SLC39A11: variants seen among roughly 807,000 people sequenced by gnomAD.
SLC39A11 encodes zinc transporter ZIP11.
Under a neutral mutation model 36.1 loss-of-function variants are expected in SLC39A11, and 33 were observed. That is an observed-to-expected ratio of 0.91 (90% CI 0.69 to 1.22). The LOEUF is 1.22. Among genes scored for constraint, SLC39A11 ranks in the 50% most tolerant of loss-of-function variants. The pLI is 0.00. For missense variants in SLC39A11, 432 were observed against 430.3 expected (o/e 1.00, Z -0.03); for synonymous variants, 166 against 170.3 (o/e 0.97, Z 0.20).
intron 7 of SLC39A11, among the ~76,000 whole-genome samples, chr17:72,699,521 G>A (rs2072502205): frequency 6.6e-6 from 1 of 152,202 alleles, no homozygotes; most frequent in African/African-American, 2.4e-5. Flanking sequence ...GCTTCAGGAA[G>A]CCCCTGCAAT....
chr17:72,666,569 C>T (rs1341402824), intron 7 of SLC39A11, among the ~76,000 whole-genome samples: 1 of 152,208 alleles, frequency 6.6e-6, no homozygotes, highest in East Asian at 1.9e-4. Flanking sequence ...CAGAAGGGGG[C>T]TTTCTCCCCC....
At chr17:72,975,056 T>G (rs1465336412) in intron 4 of SLC39A11, among the ~76,000 whole-genome samples, 1 of 152,214 alleles carries the variant, frequency 6.6e-6, no homozygotes, top group Non-Finnish European at 1.5e-5. Context: ...GAGACATTTC[T>G]CAGCATGTAT....
At chr17:72,989,438 T>C (rs945444334) in intron 4 of SLC39A11, among the ~76,000 whole-genome samples, 4 of 152,254 alleles carry the variant, frequency 2.6e-5, no homozygotes, top group African/African-American at 9.6e-5. Flanking sequence ...AGCGAGGGTA[T>C]AAATATTCCA....
chr17:72,782,843 C>T (rs2076369626), intron 6 of SLC39A11, among the ~76,000 whole-genome samples: 1 of 150,786 alleles, frequency 6.6e-6, no homozygotes, highest in African/African-American at 2.4e-5. Flanking sequence ...CTCTACTAAA[C>T]ATACAAAAAT....
chr17:72,885,804 A>G (rs1411826600), intron 5 of SLC39A11, among the ~76,000 whole-genome samples: 1 of 152,142 alleles, frequency 6.6e-6, no homozygotes, highest in African/African-American at 2.4e-5. Flanking sequence ...ATACCTACAC[A>G]TATGCCTACT....
intron 7 of SLC39A11, among the ~76,000 whole-genome samples, chr17:72,661,564 T>C (rs2070421512): frequency 6.6e-6 from 1 of 152,200 alleles, no homozygotes; most frequent in Non-Finnish European, 1.5e-5. Flanking sequence ...TGTTATCATC[T>C]TGCCGTGAAA....
intron 6 of SLC39A11, among the ~76,000 whole-genome samples, chr17:72,776,866 C>T (rs1178654557): frequency 2.0e-5 from 3 of 152,200 alleles, no homozygotes; most frequent in Non-Finnish European, 4.4e-5. Context: ...AATCCCCACC[C>T]CTCACCAAGT....
chr17:73,082,283 GAATA>G (rs1418349533), intron 3 of SLC39A11, among the ~76,000 whole-genome samples: 6 of 151,560 alleles, frequency 4.0e-5, no homozygotes, highest in African/African-American at 1.2e-4. Context: ...AGATACATAA[GAATA>G]AATAATATAT....
At chr17:72,917,782 G>T (rs1057290815) in intron 5 of SLC39A11, among the ~76,000 whole-genome samples, 1 of 152,224 alleles carries the variant, frequency 6.6e-6, no homozygotes, top group Non-Finnish European at 1.5e-5. Flanking sequence ...ATTATCAGTA[G>T]GTCAGGATTA....
Position 72,796,008 on chromosome 17 carries a change from G to A in SLC39A11, c.601+53626C>T, listed in dbSNP as rs73354753. ...GTATATAGAAAATGACTACAACAAA[G>A]AGGTCAAAATTGCAAGAATTTTTAT... On this transcript the variant is annotated intron_variant, in intron 6 of 9. Coordinates refer to ENST00000255559, the MANE Select transcript of SLC39A11 (RefSeq NM_139177.4). Among the ~76,000 whole-genome samples, 933 of 152,218 alleles carry A rather than the reference G, an allele frequency of 6.1e-3. 21 individuals carry two copies. The highest frequency in any genetic ancestry group is 0.022 in the African/African-American group (896 of 41,472).
intron 7 of SLC39A11, among the ~76,000 whole-genome samples, chr17:72,687,825 A>T (rs952869631): frequency 2.0e-5 from 3 of 152,174 alleles, no homozygotes; most frequent in African/African-American, 7.2e-5. Context: ...TGAACCTGCA[A>T]AATCTTTGCC....
At chr17:72,708,437 T>C (rs2072980314) in intron 7 of SLC39A11, among the ~76,000 whole-genome samples, 1 of 152,220 alleles carries the variant, frequency 6.6e-6, no homozygotes. Context: ...TGTGTGAATT[T>C]GGACTTGCTG....
chr17:72,779,749 C>A (rs1470243629), intron 6 of SLC39A11, among the ~76,000 whole-genome samples: 1 of 152,190 alleles, frequency 6.6e-6, no homozygotes, highest in African/African-American at 2.4e-5. Flanking sequence ...TTGTGATCCC[C>A]GGACTTCTCA....
At chr17:72,980,396 G>A (rs960245020) in intron 4 of SLC39A11, among the ~76,000 whole-genome samples, 14 of 152,334 alleles carry the variant, frequency 9.2e-5, no homozygotes, top group Non-Finnish European at 1.6e-4. Flanking sequence ...TGGGAGACGC[G>A]ATGAGTAGCC....
At chr17:72,885,267 C>G (rs1209222116) in intron 5 of SLC39A11, among the ~76,000 whole-genome samples, 1 of 152,208 alleles carries the variant, frequency 6.6e-6, no homozygotes, top group Non-Finnish European at 1.5e-5. Flanking sequence ...AACGTCAACG[C>G]TTTCTGCATA....
chr17:72,889,612 A>G (rs890347502), intron 5 of SLC39A11, among the ~76,000 whole-genome samples: 5 of 152,144 alleles, frequency 3.3e-5, no homozygotes, highest in African/African-American at 1.2e-4. Flanking sequence ...ATTTGATTCA[A>G]TCTCTGCTTC....
At chr17:72,686,823 C>T (rs781491605) in intron 7 of SLC39A11, among the ~76,000 whole-genome samples, 1 of 152,176 alleles carries the variant, frequency 6.6e-6, no homozygotes, top group Non-Finnish European at 1.5e-5. Context: ...TAAACAGGGG[C>T]GTAATGGGAC....
At chr17:73,081,678 T>TATATGTATGTATATATAC (rs1447948366) in intron 3 of SLC39A11, among the ~76,000 whole-genome samples, 1 of 146,948 alleles carries the variant, frequency 6.8e-6, no homozygotes, top group Non-Finnish European at 1.5e-5. Flanking sequence ...CACATATATA[T>TATATGTATGTATATATAC]ACACATATAT....
chr17:72,897,394 T>C lies in SLC39A11; in HGVS notation c.431-47590A>G, dbSNP rs147315372. On this transcript the variant is annotated intron_variant, in intron 5 of 9. Transcript: ENST00000255559. Reference sequence around the variant, plus strand: ...GCACTAGCCACACTTCGGGGCTTGATAGACATGTGAAGCTAGTGGCATCTG... The same window carrying C: ...GCACTAGCCACACTTCGGGGCTTGACAGACATGTGAAGCTAGTGGCATCTG... 3.3e-5 allele frequency among the ~76,000 whole-genome samples: 5 copies of C among 152,332 alleles called. No homozygotes were observed. The East Asian group carries it at 5.8e-4, about 18-fold the overall frequency.
Sources: allele counts gnomAD v4.1 joint callset (sites outside exome capture counted in the v4.1 genomes callset), GRCh38; gene constraint gnomAD v4.1.1; transcripts MANE v1.5; gene names NCBI Gene and HGNC (gene_info 2026-07-23, HGNC 2026-07-21).